HSF5: variants seen among roughly 807,000 people sequenced by gnomAD.
HSF5 encodes heat shock factor protein 5.
A neutral mutation model predicts 50.8 loss-of-function variants in HSF5; 5 were observed. The observed-to-expected ratio is 0.10, with a 90% CI of 0.05 to 0.21. The LOEUF (loss-of-function observed/expected upper bound fraction) is 0.21, where lower values mean the gene tolerates loss of function less well. Among genes scored for constraint, HSF5 ranks in the 10% least tolerant of loss-of-function variants. The pLI, the probability that HSF5 is intolerant of heterozygous loss-of-function variation, is 1.00. For synonymous variants in HSF5, 307 were observed against 307.4 expected (o/e 1.00, Z 0.02); for missense variants, 564 against 762.6 (o/e 0.74, Z 3.07).
At chr17:58,478,461 G>C (rs1258111736) in intron 2 of HSF5, among the ~76,000 whole-genome samples, 2 of 137,544 alleles carry the variant, frequency 1.5e-5, no homozygotes, top group East Asian at 4.1e-4. Context: ...TGGCAACAGA[G>C]CGAGACTCCA....
At chr17:58,461,203 G>A (rs1244544215) in intron 4 of HSF5, among the ~76,000 whole-genome samples, 9 of 137,638 alleles carry the variant, frequency 6.5e-5, no homozygotes, top group Non-Finnish European at 1.1e-4. Context: ...AACAGAGCGA[G>A]ATTCCATCTC....
chr17:58,468,398 C>CA (rs1318826913), intron 2 of HSF5, among the ~76,000 whole-genome samples: 2 of 151,898 alleles, frequency 1.3e-5, no homozygotes, highest in East Asian at 3.9e-4. Context: ...ACTCTATGTA[C>CA]AAAAAAAATT....
chr17:58,448,843 T>C (rs939418730), intron 5 of HSF5, among the ~76,000 whole-genome samples: 1 of 152,186 alleles, frequency 6.6e-6, no homozygotes, highest in African/African-American at 2.4e-5. Context: ...ACTGATATCT[T>C]TAGTGTAAAG....
chr17:58,476,530 G>C (rs2143800569), intron 2 of HSF5: 4 of 1,337,000 alleles, frequency 3.0e-6, no homozygotes, highest in South Asian at 1.2e-5. Flanking sequence ...AAATTCTTTG[G>C]ACAGAACTTT....
intron 4 of HSF5, among the ~76,000 whole-genome samples, chr17:58,460,597 C>G (rs572275643): frequency 5.0e-4 from 76 of 151,772 alleles, no homozygotes; most frequent in African/African-American, 1.7e-3. Flanking sequence ...ACAAGCTCCA[C>G]CTCCTGGGTT....
chr17:58,456,846 T>C (rs1488852083), intron 5 of HSF5, among the ~76,000 whole-genome samples: 3 of 152,190 alleles, frequency 2.0e-5, no homozygotes, highest in African/African-American at 7.2e-5. Context: ...TGACTGGCCA[T>C]GCATGGTGGC....
intron 5 of HSF5, among the ~76,000 whole-genome samples, chr17:58,444,498 G>C (rs1974533741): frequency 6.6e-6 from 1 of 152,134 alleles, no homozygotes; most frequent in Non-Finnish European, 1.5e-5. Flanking sequence ...ATGGTATTGG[G>C]AAAACTGGAT....
rs572104728 is a variant in HSF5 at position 58,468,859 on chromosome 17, G to A, written c.926-1880C>T. Among the ~76,000 whole-genome samples the A allele has an allele frequency of 8.6e-5, 13 of 151,980 alleles. No individual in the cohort carries two copies. The South Asian group carries it at 2.1e-3, about 24-fold the overall frequency. ...TTTAACAATTTTGGTGACTTTAAAA[G>A]GCCATATATTACTAAGATTGCCTCA... is the stretch of plus-strand genomic sequence containing the variant. On this transcript the variant is annotated intron_variant, in intron 2 of 5. Coordinates refer to ENST00000323777, the MANE Select transcript of HSF5 (RefSeq NM_001080439.3).
intron 5 of HSF5, among the ~76,000 whole-genome samples, chr17:58,445,294 T>C (rs1310225875): frequency 6.6e-6 from 1 of 152,196 alleles, no homozygotes; most frequent in African/African-American, 2.4e-5. Flanking sequence ...AAAGAGATAG[T>C]TGGAGCCAGG....
intron 2 of HSF5, chr17:58,476,188 T>A: frequency 1.0e-6 from 1 of 965,826 alleles, no homozygotes; most frequent in Non-Finnish European, 1.6e-6. Flanking sequence ...CTTCATCTTC[T>A]TCATCTTCCT....
intron 2 of HSF5, among the ~76,000 whole-genome samples, chr17:58,479,548 C>T (rs888098490): frequency 6.6e-6 from 1 of 152,042 alleles, no homozygotes. Context: ...AATGATGCAC[C>T]CGCCTCAGCC....
At chr17:58,437,799 A>G (rs1374496128) in intron 5 of HSF5, among the ~76,000 whole-genome samples, 2 of 152,154 alleles carry the variant, frequency 1.3e-5, no homozygotes, top group Non-Finnish European at 2.9e-5. Context: ...AGATGTCATA[A>G]TGTATCTGGT....
intron 5 of HSF5, among the ~76,000 whole-genome samples, chr17:58,428,103 T>C (rs984970751): frequency 1.3e-5 from 2 of 152,176 alleles, no homozygotes; most frequent in Non-Finnish European, 2.9e-5. Flanking sequence ...AATTAAAAAA[T>C]GTAAAAACCA....
intron 2 of HSF5, chr17:58,476,347 G>T: frequency 9.1e-7 from 1 of 1,103,788 alleles, no homozygotes; most frequent in East Asian, 2.4e-5. Flanking sequence ...TAACTCATCA[G>T]TACCTGCATC....
chr17:58,480,306 T>C, intron 1 of HSF5, 39 bp from the exon 2 acceptor site: 1 of 1,552,456 alleles, frequency 6.4e-7, no homozygotes, highest in South Asian at 1.2e-5. Flanking sequence ...TAATTTTGCA[T>C]TACATCACCA....
chr17:58,473,950 A>T (rs1265474951), intron 2 of HSF5, among the ~76,000 whole-genome samples: 1 of 152,028 alleles, frequency 6.6e-6, no homozygotes, highest in African/African-American at 2.4e-5. Flanking sequence ...AGCTCAAGCA[A>T]TCTTCCCACC....
At chr17:58,464,468 G>A (rs1345909142) in intron 3 of HSF5, among the ~76,000 whole-genome samples, 1 of 152,130 alleles carries the variant, frequency 6.6e-6, no homozygotes, top group African/African-American at 2.4e-5. Context: ...ACAATACAAT[G>A]TACTGACTGT....
Position 58,422,294 on chromosome 17 carries a change from T to C in HSF5, c.*66A>G. On this transcript the variant is annotated 3_prime_UTR_variant, in exon 6 of 6. Coordinates refer to ENST00000323777, the MANE Select transcript of HSF5 (RefSeq NM_001080439.3). ...GAACTGAAAAAATCCCAACAGTTTGTCATGTGCAAGGCTAGTCTGCCTCCA... is the reference window on the plus strand; with the variant it reads ...GAACTGAAAAAATCCCAACAGTTTGCCATGTGCAAGGCTAGTCTGCCTCCA... 8.8e-7 allele frequency: 1 copy of C among 1,131,068 alleles called. No homozygotes were observed. 70.1% of individuals were successfully genotyped at this position (1,131,068 alleles called of 1,614,324 possible).
chr17:58,480,948 C>CT (rs1352925641), intron 1 of HSF5, among the ~76,000 whole-genome samples: 1 of 152,124 alleles, frequency 6.6e-6, no homozygotes, highest in Non-Finnish European at 1.5e-5. Context: ...TCACCAAGCA[C>CT]TGTTTATTTT....
Sources: allele counts gnomAD v4.1 joint callset (sites outside exome capture counted in the v4.1 genomes callset), GRCh38; gene constraint gnomAD v4.1.1; transcripts MANE v1.5; gene names NCBI Gene and HGNC (gene_info 2026-07-23, HGNC 2026-07-21).